The following AGBL2 variants were observed in gnomAD, a reference collection of about 807,000 sequenced individuals.
AGBL2 encodes cytosolic carboxypeptidase 2.
A neutral mutation model predicts 103.0 loss-of-function variants in AGBL2; 87 were observed. The observed-to-expected ratio is 0.84, with a 90% CI of 0.71 to 1.01. The LOEUF (loss-of-function observed/expected upper bound fraction) is 1.01, where lower values mean the gene tolerates loss of function less well. AGBL2 is among the 50% of genes least tolerant of loss of function. The probability of loss-of-function intolerance (pLI) is 0.00; values close to 1 mark genes in which losing one functional copy is unlikely to be tolerated. For missense variants in AGBL2, 904 were observed against 1,023.5 expected (o/e 0.88, Z 1.59); for synonymous variants, 335 against 356.7 (o/e 0.94, Z 0.69).
intron 14 of AGBL2, among the ~76,000 whole-genome samples, chr11:47,672,211 A>G (rs2097359658): frequency 6.6e-6 from 1 of 152,162 alleles, no homozygotes. Context: ...TCAGTCTCCC[A>G]AAGTGCTGGG....
chr11:47,691,487 C>A (rs575113012), intron 9 of AGBL2, among the ~76,000 whole-genome samples: 2 of 149,962 alleles, frequency 1.3e-5, no homozygotes, highest in Admixed American at 6.7e-5. Flanking sequence ...ACGGGCAGAT[C>A]GCGAAATCAG....
intron 14 of AGBL2, among the ~76,000 whole-genome samples, chr11:47,670,060 C>G (rs1344962415): frequency 6.6e-6 from 1 of 152,254 alleles, no homozygotes; most frequent in African/African-American, 2.4e-5. Flanking sequence ...AAAGCAAATA[C>G]TGGCCAGATG....
At chr11:47,712,621 G>A (rs868072812) in intron 3 of AGBL2, among the ~76,000 whole-genome samples, 2 of 152,144 alleles carry the variant, frequency 1.3e-5, no homozygotes, top group African/African-American at 4.8e-5. Flanking sequence ...TGTCATAAGC[G>A]GGCTGGGGAC....
In AGBL2 at chr11:47,668,904, G is replaced by C; in HGVS notation, c.2151C>G (p.Thr717=). The part of the protein sequence containing the change: ...DISLSDIESS[T]SGSDSSLSDG... ...CTGAGAGAGAACTGTCAGAGCCACT[G>C]GTGCTGTTTCCAAAAGAAAAAAAGA... The change falls in exon 15 of 19, where the codon ACC becomes ACG. Residue 717 remains threonine (T), a synonymous_variant. Coordinates refer to ENST00000525123, the MANE Select transcript of AGBL2 (RefSeq NM_024783.4). 6.2e-7 allele frequency: 1 copy of C among 1,612,134 alleles called. No individual in the cohort carries two copies. The highest frequency in any genetic ancestry group is 8.5e-7 in the Non-Finnish European group (1 of 1,178,742).
intron 3 of AGBL2, among the ~76,000 whole-genome samples, chr11:47,712,636 G>A (rs1287887849): frequency 6.6e-6 from 1 of 152,238 alleles, no homozygotes; most frequent in African/African-American, 2.4e-5. Context: ...GGGGACAGTG[G>A]CTCACGCCTG....
intron 3 of AGBL2, among the ~76,000 whole-genome samples, chr11:47,713,068 G>A (rs768964502): frequency 4.7e-5 from 7 of 150,186 alleles, no homozygotes; most frequent in Non-Finnish European, 8.9e-5. Context: ...ACTGGGCGCG[G>A]TAAGCTCACG....
chr11:47,712,693 CA>C (rs542814760), intron 3 of AGBL2, among the ~76,000 whole-genome samples: 2 of 152,150 alleles, frequency 1.3e-5, no homozygotes, highest in Non-Finnish European at 2.9e-5. Context: ...CACCTTAGGT[CA>C]GGAGTTCGAG....
At chr11:47,688,461 A>G (rs11039339) in intron 10 of AGBL2, among the ~76,000 whole-genome samples, 3,994 of 152,284 alleles carry the variant, frequency 0.026, 163 homozygotes, top group South Asian at 0.2. Context: ...GCCAGTTCCT[A>G]CAAGGCTCAG....
chr11:47,685,892 C>T lies in AGBL2; in HGVS notation c.1788+1G>A, dbSNP rs2097421610. 1.2e-6 allele frequency: 2 copies of T among 1,613,662 alleles called. No homozygotes were observed. The highest frequency in any genetic ancestry group is 1.7e-6 in the Non-Finnish European group (2 of 1,179,878). On this transcript the variant is annotated splice_donor_variant, in intron 11 of 18. Coordinates refer to ENST00000525123, the MANE Select transcript of AGBL2 (RefSeq NM_024783.4). LOFTEE classifies it high-confidence loss of function. Reference sequence around the variant, plus strand: ...GAGAGAAAATTACATTATGTGCTTACCTTATCTGGTGCATTTTTGCATAAC... The same window carrying T: ...GAGAGAAAATTACATTATGTGCTTATCTTATCTGGTGCATTTTTGCATAAC...
chr11:47,693,018 CTA>C (rs2097454140), intron 8 of AGBL2, among the ~76,000 whole-genome samples: 1 of 152,040 alleles, frequency 6.6e-6, no homozygotes, highest in Non-Finnish European at 1.5e-5. Context: ...TGAGGTCCCA[CTA>C]TGTCACCCAG....
chr11:47,714,442 T>C, intron 2 of AGBL2, 95 bp from the exon 3 acceptor site: 1 of 1,367,390 alleles, frequency 7.3e-7, no homozygotes, highest in East Asian at 2.3e-5. Flanking sequence ...AGGACTAGAC[T>C]AAACCAAGCG....
chr11:47,682,281 A>G (rs1170052241), intron 11 of AGBL2, among the ~76,000 whole-genome samples, 186 bp from the exon 12 acceptor site: 1 of 151,760 alleles, frequency 6.6e-6, no homozygotes, highest in Non-Finnish European at 1.5e-5. Flanking sequence ...TTCTGTGGTC[A>G]TGTTAGTCAG....
chr11:47,701,449 G>A (rs1304112265), intron 7 of AGBL2, among the ~76,000 whole-genome samples: 32 of 143,450 alleles, frequency 2.2e-4, no homozygotes, highest in Admixed American at 2.2e-4. Flanking sequence ...CAGACTGGGC[G>A]ACAGAGCAAG....
intron 8 of AGBL2, among the ~76,000 whole-genome samples, chr11:47,695,074 C>A (rs1262050753): frequency 2.0e-5 from 3 of 151,260 alleles, no homozygotes; most frequent in Admixed American, 2.0e-4. Flanking sequence ...TGCTTGAACC[C>A]GGGAGGCAGA....
At position 47,667,682 on chromosome 11, in the gene AGBL2, CT is replaced by C; in HGVS notation, c.2228del (p.Lys743ArgfsTer27). 1 of 1,611,598 alleles carries C rather than the reference CT, an allele frequency of 6.2e-7. No homozygotes were observed. Among genetic ancestry groups the C allele is most frequent in the Middle Eastern group, 1.7e-4 (1 of 6,056 alleles). On this transcript the variant is annotated frameshift_variant, in exon 16 of 19. Coordinates refer to ENST00000525123, the MANE Select transcript of AGBL2 (RefSeq NM_024783.4). LOFTEE classifies it high-confidence loss of function. ...TCTTTTTTTTCTTCTTAAACATCTT[CT>C]TTTTCTGAGTCAGCTATTCCAGAAA... ...ANIADELTQK[K>X]KMFKKKKKKS...
intron 14 of AGBL2, among the ~76,000 whole-genome samples, chr11:47,673,415 C>T (rs894415853): frequency 2.0e-5 from 3 of 151,856 alleles, no homozygotes; most frequent in East Asian, 1.9e-4. Flanking sequence ...CACCTGAGGT[C>T]GGGAGTTCGA....
rs552231508 is a variant in AGBL2 at position 47,706,063 on chromosome 11, G to A, written c.233-146C>T. 2.2e-5 allele frequency: 14 copies of A among 643,380 alleles called. 1 individual carries two copies. Among genetic ancestry groups the A allele is most frequent in the East Asian group, 2.1e-4 (8 of 38,386 alleles). 39.9% of individuals were successfully genotyped at this position (643,380 alleles called of 1,614,324 possible). A position where few individuals can be genotyped will look rare whatever the true frequency, so the allele number is the denominator to read the frequency against. ...AATCTTTCTCCCATACTTTAATGGGGGAAATAAAAGGAAATAAACATTTGA... is the reference window on the plus strand; with the variant it reads ...AATCTTTCTCCCATACTTTAATGGGAGAAATAAAAGGAAATAAACATTTGA... On this transcript the variant is annotated intron_variant, in intron 4 of 18. Coordinates refer to ENST00000525123, the MANE Select transcript of AGBL2 (RefSeq NM_024783.4).
At chr11:47,681,911 A>G in intron 12 of AGBL2, 58 bp downstream of exon 12, 1 of 1,587,340 alleles carries the variant, frequency 6.3e-7, no homozygotes. Flanking sequence ...TATCTCCCTG[A>G]TGCTTTGCTT....
intron 4 of AGBL2, among the ~76,000 whole-genome samples, chr11:47,707,768 C>T (rs147485771): frequency 2.1e-3 from 320 of 152,208 alleles, no homozygotes; most frequent in African/African-American, 7.1e-3. Flanking sequence ...TAAAATTTTG[C>T]CCAAATCTCA....
Sources: allele counts gnomAD v4.1 joint callset (sites outside exome capture counted in the v4.1 genomes callset), GRCh38; gene constraint gnomAD v4.1.1; transcripts MANE v1.5; gene names NCBI Gene and HGNC (gene_info 2026-07-23, HGNC 2026-07-21).